RASGRP3: variants seen among roughly 807,000 people sequenced by gnomAD.
RASGRP3 encodes the protein ras guanyl-releasing protein 3.
RASGRP3 carries 54 observed loss-of-function variants against 82.7 expected under a neutral mutation model. The ratio of observed to expected loss-of-function variants is 0.65; its 90% CI spans 0.52 to 0.82. RASGRP3 has a LOEUF of 0.82. RASGRP3 is among the 40% of genes least tolerant of loss of function. The pLI, the probability that RASGRP3 is intolerant of heterozygous loss-of-function variation, is 0.00. For synonymous variants in RASGRP3, 309 were observed against 300.5 expected, an observed-to-expected ratio of 1.03 and a Z score of -0.29; for missense variants, 861 against 828.9, an observed-to-expected ratio of 1.04 and a Z score of -0.48.
chr2:33,450,818 C>CTTTTTTTTTTTTTTTTTTTTT lies in RASGRP3; in HGVS notation c.-261+2878_-261+2879insTTTTTTTTTTTTTTTTTTTTT, dbSNP rs879744839. On this transcript the variant is annotated intron_variant, in intron 2 of 18. Transcript: ENST00000402538. Reference sequence around the variant, plus strand: ...CTTTTCTTTCTTTTTCTCTTTCTTTCTTTCTTTTTTTTTTTTTTTTTTTTT... The same window carrying CTTTTTTTTTTTTTTTTTTTTT: ...CTTTTCTTTCTTTTTCTCTTTCTTTCTTTTTTTTTTTTTTTTTTTTTTTTCTTTTTTTTTTTTTTTTTTTTT... Among the ~76,000 whole-genome samples, 53 of 43,400 alleles carry CTTTTTTTTTTTTTTTTTTTTT rather than the reference C, an allele frequency of 1.2e-3. 9 individuals are homozygous for CTTTTTTTTTTTTTTTTTTTTT. Among genetic ancestry groups the CTTTTTTTTTTTTTTTTTTTTT allele is most frequent in the Non-Finnish European group, 1.7e-3 (36 of 21,634 alleles). The allele number at this position is 43,400 out of a possible 152,430, so 28.5% of individuals were successfully genotyped here.
rs148172372 is a variant in RASGRP3, at chr2:33,478,920, T to G, written c.-261+2213T>G. Among the ~76,000 whole-genome samples the G allele has an allele frequency of 6.2e-3, 948 of 152,298 alleles. 12 individuals carry two copies. The highest frequency in any genetic ancestry group is 0.022 in the African/African-American group (901 of 41,558). ...TCACAATAACTCTATGTGTTACATA[T>G]TATTATTCCAGTTCTATAGATAGGA... is the stretch of plus-strand genomic sequence containing the variant. On this transcript the variant is annotated intron_variant, in intron 1 of 17. Coordinates refer to ENST00000403687, the MANE Select transcript of RASGRP3 (RefSeq NM_001139488.2).
chr2:33,547,553 A>T (rs772837159), intron 13 of RASGRP3, among the ~76,000 whole-genome samples: 8 of 151,954 alleles, frequency 5.3e-5, no homozygotes, highest in Non-Finnish European at 1.0e-4. Context: ...TTGGACTTAG[A>T]TCCGTTGATT....
At chr2:33,515,250 C>G (rs1180549035) in intron 3 of RASGRP3, 44 bp downstream of exon 3, 2 of 1,595,786 alleles carry the variant, frequency 1.3e-6, no homozygotes, top group East Asian at 4.5e-5. Context: ...TCTCTCGATG[C>G]TCTCACTTTC....
At chr2:33,513,270 T>C (rs888374958) in intron 2 of RASGRP3, among the ~76,000 whole-genome samples, 1 of 152,220 alleles carries the variant, frequency 6.6e-6, no homozygotes, top group African/African-American at 2.4e-5. Context: ...AAACATTTTT[T>C]CCCCAGAGTT....
intron 2 of RASGRP3, among the ~76,000 whole-genome samples, chr2:33,450,831 T>C (rs1352933743): frequency 1.7e-5 from 1 of 57,840 alleles, no homozygotes; most frequent in Non-Finnish European, 3.2e-5. Context: ...TCTTTTTTTT[T>C]TTTTTTTTTT....
chr2:33,519,480 T>G (rs1189352687), intron 4 of RASGRP3, among the ~76,000 whole-genome samples: 1 of 151,912 alleles, frequency 6.6e-6, no homozygotes. Flanking sequence ...GCCAGGCATG[T>G]TGGCGGGTTC....
rs1431928895 is a variant in RASGRP3, at chr2:33,540,561, TGTG to T, written c.1278+1352_1278+1354del. Among the ~76,000 whole-genome samples, 25 of 117,834 alleles carry T rather than the reference TGTG, an allele frequency of 2.1e-4. 2 individuals carry two copies. The highest frequency in any genetic ancestry group is 6.3e-4 in the African/African-American group (21 of 33,322). The allele number at this position is 117,834 out of a possible 152,430, so 77.3% of individuals were successfully genotyped here. The stretch of plus-strand genomic sequence containing the variant: ...TCTCTCTCTGTGTGTGTGTTTTGTG[TGTG>T]TGTGTGTGTGTGTGTGTGTGTGTGT... On this transcript the variant is annotated intron_variant, in intron 12 of 17. Transcript: ENST00000403687.
intron 10 of RASGRP3, among the ~76,000 whole-genome samples, chr2:33,530,185 G>T (rs2151044281): frequency 6.6e-6 from 1 of 152,296 alleles, no homozygotes; most frequent in East Asian, 1.9e-4. Flanking sequence ...ATTGGAAGGG[G>T]TGATTCATTT....
chr2:33,503,662 T>A (rs1670086593), intron 1 of RASGRP3, among the ~76,000 whole-genome samples: 1 of 152,146 alleles, frequency 6.6e-6, no homozygotes, highest in Admixed American at 6.5e-5. Flanking sequence ...AATCCCTGAT[T>A]TCAGAAGTAA....
chr2:33,527,158 T>C lies in RASGRP3; in HGVS notation c.829T>C (p.Leu277=). 9 of 1,614,022 alleles carry C rather than the reference T, an allele frequency of 5.6e-6. No individual in the cohort carries two copies. The highest frequency in any genetic ancestry group is 6.8e-6 in the Non-Finnish European group (8 of 1,179,890). ...CCAGAACTGGAATGAAATGACAGAG[T>C]TGGTCTCCTCCAACGGCAATTACTG... ...VTKNWNEMTE[L]VSSNGNYCNY... The change falls in exon 10 of 18, where the codon TTG becomes CTG. Residue 277 remains leucine (L), a synonymous_variant. Coordinates refer to ENST00000403687, the MANE Select transcript of RASGRP3 (RefSeq NM_001139488.2).
intron 2 of RASGRP3, among the ~76,000 whole-genome samples, chr2:33,514,329 C>T (rs1345991494): frequency 6.6e-6 from 1 of 151,510 alleles, no homozygotes; most frequent in Admixed American, 6.6e-5. Context: ...TAATATTAAA[C>T]CAAGTAACAT....
intron 17 of RASGRP3, among the ~76,000 whole-genome samples, chr2:33,559,415 A>AAAG (rs1361218013): frequency 6.6e-6 from 1 of 152,222 alleles, no homozygotes; most frequent in African/African-American, 2.4e-5. Flanking sequence ...AGTAGAAGCA[A>AAAG]AAGACTTTTA....
At chr2:33,527,551 G>T in intron 10 of RASGRP3, 139 bp downstream of exon 10, 1 of 922,638 alleles carries the variant, frequency 1.1e-6, no homozygotes, top group East Asian at 2.7e-5. Flanking sequence ...AAATCTCATA[G>T]AACAAGGGAA....
rs542358830 is a variant in RASGRP3 at position 33,496,880 on chromosome 2, C to A, written c.-260-14830C>A. Among the ~76,000 whole-genome samples, 1,052 of 151,702 alleles carry A rather than the reference C, an allele frequency of 6.9e-3. 3 individuals are homozygous for A. Among genetic ancestry groups the A allele is most frequent in the Non-Finnish European group, 0.011 (740 of 67,866 alleles). On this transcript the variant is annotated intron_variant, in intron 1 of 17. Coordinates refer to ENST00000403687, the MANE Select transcript of RASGRP3 (RefSeq NM_001139488.2). ...TTAAAAAGAAAACAAAACAAACCAA[C>A]AAAAAAAACAAACCCCTACTCCCAT... is the stretch of plus-strand genomic sequence containing the variant.
intron 4 of RASGRP3, among the ~76,000 whole-genome samples, chr2:33,519,460 C>CA (rs1671798206): frequency 6.6e-6 from 1 of 152,024 alleles, no homozygotes; most frequent in Non-Finnish European, 1.5e-5. Flanking sequence ...ACTAAAAATA[C>CA]AAAAAATTAG....
chr2:33,527,886 T>C (rs1285768037), intron 10 of RASGRP3, among the ~76,000 whole-genome samples: 2 of 152,218 alleles, frequency 1.3e-5, no homozygotes, highest in African/African-American at 4.8e-5. Context: ...CAGTCTGGCA[T>C]TCGAGGTTCT....
intron 13 of RASGRP3, among the ~76,000 whole-genome samples, chr2:33,544,475 G>C (rs927719458): frequency 7.3e-5 from 11 of 151,222 alleles, no homozygotes; most frequent in African/African-American, 2.4e-4. Flanking sequence ...AAATTAAATC[G>C]CTTTAGATAC....
intron 2 of RASGRP3, among the ~76,000 whole-genome samples, chr2:33,465,785 G>C (rs1666661024): frequency 6.6e-6 from 1 of 152,222 alleles, no homozygotes; most frequent in African/African-American, 2.4e-5. Context: ...GGCTAATGCA[G>C]CTGGTGACTT....
chr2:33,502,183 C>T (rs894554942), intron 1 of RASGRP3, among the ~76,000 whole-genome samples: 3 of 151,962 alleles, frequency 2.0e-5, no homozygotes, highest in African/African-American at 7.3e-5. Flanking sequence ...AGAGGAAATA[C>T]AAGGGGAGTT....
Sources: allele counts gnomAD v4.1 joint callset (sites outside exome capture counted in the v4.1 genomes callset), GRCh38; gene constraint gnomAD v4.1.1; transcripts MANE v1.5; gene names NCBI Gene and HGNC (gene_info 2026-07-23, HGNC 2026-07-21).